Variants in GRID2 observed in about 807,000 individuals in gnomAD.
GRID2 encodes the protein glutamate receptor ionotropic, delta-2.
A neutral mutation model predicts 114.8 loss-of-function variants in GRID2; 33 were observed. That is an observed-to-expected ratio of 0.29 (90% CI 0.22 to 0.38). The LOEUF is 0.38. Ranked by LOEUF, GRID2 falls within the 10% of genes least tolerant of loss-of-function variation. GRID2 has a pLI of 1.00. For missense variants in GRID2, 1,184 were observed against 1,257.7 expected, an observed-to-expected ratio of 0.94 and a Z score of 0.89; for synonymous variants, 505 against 449.9, an observed-to-expected ratio of 1.12 and a Z score of -1.55.
At chr4:92,602,928 A>C (rs1285766069) in intron 2 of GRID2, among the ~76,000 whole-genome samples, 1 of 151,998 alleles carries the variant, frequency 6.6e-6, no homozygotes, top group African/African-American at 2.4e-5. Flanking sequence ...GCAGTCAAAT[A>C]ATAAATGAAC....
intron 2 of GRID2, among the ~76,000 whole-genome samples, chr4:92,743,656 G>T (rs146738878): frequency 6.6e-6 from 1 of 152,262 alleles, no homozygotes; most frequent in East Asian, 1.9e-4. Flanking sequence ...CTCTCTCAAA[G>T]AAATGGACTG....
Position 93,395,669 on chromosome 4 carries a change from T to C in GRID2, c.1308T>C (p.Asn436=). 1 of 1,579,184 alleles carries C rather than the reference T, an allele frequency of 6.3e-7. No individual in the cohort carries two copies. Among genetic ancestry groups the C allele is most frequent in the Non-Finnish European group, 8.7e-7 (1 of 1,148,738 alleles). Residue 436 remains asparagine (N), a synonymous_variant, in exon 9 of 16, where the codon AAT becomes AAC. Transcript: ENST00000282020. The part of the protein sequence containing the change: ...NGSLTDKKLE[N]NMRGVVLRVV... The stretch of plus-strand genomic sequence containing the variant: ...CACTGACTGACAAGAAATTGGAGAA[T>C]AACATGCGTGGAGTGGTTCTACGTG...
intron 2 of GRID2, chr4:92,822,139 C>T (rs890386513): frequency 2.9e-6 from 1 of 343,416 alleles, no homozygotes; most frequent in African/African-American, 2.2e-5. Context: ...GTGGTCTTGC[C>T]TTCTAAGTCC....
At chr4:93,140,150 C>A (rs370426169) in intron 4 of GRID2, among the ~76,000 whole-genome samples, 2 of 123,842 alleles carry the variant, frequency 1.6e-5, no homozygotes, top group African/African-American at 6.5e-5. Flanking sequence ...CATTTTCTTT[C>A]TTTTCTTTTC....
chr4:92,917,356 T>C (rs1748894070), intron 2 of GRID2, among the ~76,000 whole-genome samples: 1 of 152,150 alleles, frequency 6.6e-6, no homozygotes, highest in Non-Finnish European at 1.5e-5. Flanking sequence ...CAGAAGCCCT[T>C]TAGTTTAATT....
chr4:93,088,123 ACCT>A (rs1730483100), intron 3 of GRID2, among the ~76,000 whole-genome samples: 1 of 152,090 alleles, frequency 6.6e-6, no homozygotes, highest in African/African-American at 2.4e-5. Context: ...AATTAGAGAA[ACCT>A]CCTTTTCAAA....
intron 1 of GRID2, among the ~76,000 whole-genome samples, chr4:92,385,888 GTGTGTGTGTGTGTA>G (rs1729929931): frequency 2.6e-5 from 2 of 76,148 alleles, no homozygotes; most frequent in African/African-American, 4.4e-5. Context: ...GTGTGTGTGT[GTGTGTGTGTGTGTA>G]TATATATATA....
intron 2 of GRID2, among the ~76,000 whole-genome samples, chr4:92,877,210 C>T (rs1745694621): frequency 6.6e-6 from 1 of 152,164 alleles, no homozygotes; most frequent in South Asian, 2.1e-4. Context: ...CTTGTTGAAT[C>T]AAGGCAGAGT....
At chr4:92,775,307 G>A (rs1201998824) in intron 2 of GRID2, among the ~76,000 whole-genome samples, 2 of 152,168 alleles carry the variant, frequency 1.3e-5, no homozygotes, top group African/African-American at 2.4e-5. Flanking sequence ...GACATTCGCA[G>A]ATCTGCATGT....
At chr4:93,119,687 TG>T (rs1237050142) in intron 4 of GRID2, among the ~76,000 whole-genome samples, 1 of 152,206 alleles carries the variant, frequency 6.6e-6, no homozygotes. Context: ...CTAGGTTCAT[TG>T]AAAAAAAGAA....
Position 93,358,156 on chromosome 4 carries a change from T to C in GRID2, c.1246-37451T>C, listed in dbSNP as rs547568573. Reference sequence around the variant, plus strand: ...TTCTTCTAATTTAGAAAGAGGACACTAACCTGGGTATTCCAGATAGGCAAT... The same window carrying C: ...TTCTTCTAATTTAGAAAGAGGACACCAACCTGGGTATTCCAGATAGGCAAT... On this transcript the variant is annotated intron_variant, in intron 8 of 15. Coordinates refer to ENST00000282020, the MANE Select transcript of GRID2 (RefSeq NM_001510.4). Among the ~76,000 whole-genome samples, 68 of 152,004 alleles carry C rather than the reference T, an allele frequency of 4.5e-4. 3 individuals carry two copies. In the South Asian group the frequency reaches 0.014, roughly 31 times the overall value.
At chr4:93,605,757 A>G (rs1740166423) in intron 13 of GRID2, among the ~76,000 whole-genome samples, 1 of 152,238 alleles carries the variant, frequency 6.6e-6, no homozygotes, top group African/African-American at 2.4e-5. Context: ...CCAGCCTACC[A>G]GAAGTTTACA....
chr4:93,764,318 A>G (rs776477007), intron 14 of GRID2, among the ~76,000 whole-genome samples: 1 of 152,146 alleles, frequency 6.6e-6, no homozygotes, highest in Non-Finnish European at 1.5e-5. Flanking sequence ...TTTCTGTTCA[A>G]TGGGATCACA....
chr4:93,098,823 T>A (rs1445742823), intron 3 of GRID2, among the ~76,000 whole-genome samples: 1 of 151,922 alleles, frequency 6.6e-6, no homozygotes, highest in Non-Finnish European at 1.5e-5. Flanking sequence ...AACAGTTTAT[T>A]ATGATAATGA....
At chr4:92,662,530 CT>C (rs956343074) in intron 2 of GRID2, among the ~76,000 whole-genome samples, 1 of 150,800 alleles carries the variant, frequency 6.6e-6, no homozygotes, top group African/African-American at 2.4e-5. Context: ...GAATCATTGT[CT>C]CTACTATATA....
intron 1 of GRID2, among the ~76,000 whole-genome samples, chr4:92,464,167 T>A (rs1041430352): frequency 6.6e-6 from 1 of 151,984 alleles, no homozygotes; most frequent in Admixed American, 6.6e-5. Context: ...ATGAGTAAAT[T>A]AAGAATCAAG....
At chr4:93,143,097 G>C (rs1735912108) in intron 4 of GRID2, among the ~76,000 whole-genome samples, 3 of 152,186 alleles carry the variant, frequency 2.0e-5, no homozygotes, top group Admixed American at 2.0e-4. Context: ...GAAGGAGGCA[G>C]TAAGCAAATC....
intron 2 of GRID2, among the ~76,000 whole-genome samples, chr4:92,701,000 A>ACAAAACAAAC (rs55764619): frequency 4.0e-4 from 61 of 151,586 alleles, no homozygotes; most frequent in African/African-American, 1.4e-3. Context: ...TCTCAAAAAA[A>ACAAAACAAAC]AAAAAAAAAA....
In GRID2 at chr4:92,871,847, C is replaced by T. The variant is rs1745303025; in HGVS notation, c.245-213148C>T. 2.0e-5 allele frequency among the ~76,000 whole-genome samples: 3 copies of T among 152,252 alleles called. No individual in the cohort carries two copies. In the South Asian group the frequency reaches 6.2e-4, roughly 32 times the overall value. ...ATGTTTTCTATGGATAAAATGGTTG[C>T]TTAATTTAAATGAAAATGTTTTTTA... On this transcript the variant is annotated intron_variant, in intron 2 of 15. Transcript: ENST00000282020.
Sources: allele counts gnomAD v4.1 joint callset (sites outside exome capture counted in the v4.1 genomes callset), GRCh38; gene constraint gnomAD v4.1.1; transcripts MANE v1.5; gene names NCBI Gene and HGNC (gene_info 2026-07-23, HGNC 2026-07-21).